The following ARHGAP15 variants were observed in gnomAD, a reference collection of about 807,000 sequenced individuals.
The protein encoded by ARHGAP15 is Rho GTPase activating protein 15.
A neutral mutation model predicts 63.7 loss-of-function variants in ARHGAP15; 51 were observed. That is an observed-to-expected ratio of 0.80 (90% CI 0.64 to 1.01). The LOEUF is 1.01. Among genes scored for constraint, ARHGAP15 ranks in the 50% least tolerant of loss-of-function variants. The probability of loss-of-function intolerance (pLI) is 0.00; values close to 1 mark genes in which losing one functional copy is unlikely to be tolerated. For missense variants in ARHGAP15, 560 were observed against 564.6 expected (o/e 0.99, Z 0.08); for synonymous variants, 191 against 193.8 (o/e 0.99, Z 0.12).
chr2:143,485,522 C>T (rs541351353), intron 8 of ARHGAP15, among the ~76,000 whole-genome samples: 2 of 150,070 alleles, frequency 1.3e-5, no homozygotes, highest in African/African-American at 2.4e-5. Flanking sequence ...ATAGATAGAC[C>T]TTCCACCGAT....
chr2:143,281,069 T>C (rs1312089259), intron 6 of ARHGAP15, among the ~76,000 whole-genome samples: 5 of 152,098 alleles, frequency 3.3e-5, no homozygotes, highest in Non-Finnish European at 7.4e-5. Flanking sequence ...ACTAAGACAG[T>C]TACACCCATT....
At chr2:143,292,278 T>A (rs1189401158) in intron 6 of ARHGAP15, among the ~76,000 whole-genome samples, 4 of 152,178 alleles carry the variant, frequency 2.6e-5, no homozygotes, top group Non-Finnish European at 5.9e-5. Context: ...ATAGTTTTTA[T>A]ATAAGTGTTG....
intron 8 of ARHGAP15, among the ~76,000 whole-genome samples, chr2:143,477,192 ACACACACACACACACTCGCG>A (rs1324502471): frequency 3.9e-5 from 5 of 129,546 alleles, no homozygotes; most frequent in African/African-American, 8.8e-5. Context: ...ACATGCTCGC[ACACACACACACACACTCGCG>A]CACACACACA....
chr2:143,513,510 A>G (rs1574559229), intron 9 of ARHGAP15, among the ~76,000 whole-genome samples: 1 of 152,208 alleles, frequency 6.6e-6, no homozygotes, highest in East Asian at 1.9e-4. Flanking sequence ...TGCTGTCTCT[A>G]CTTCTTCACC....
chr2:143,576,352 G>A (rs778591029), intron 11 of ARHGAP15, among the ~76,000 whole-genome samples: 5 of 152,198 alleles, frequency 3.3e-5, no homozygotes, highest in Admixed American at 3.3e-4. Context: ...TGACCAGATG[G>A]TTGTGTTAAG....
chr2:143,430,520 T>C (rs904219533), intron 6 of ARHGAP15, among the ~76,000 whole-genome samples: 3 of 151,894 alleles, frequency 2.0e-5, no homozygotes, highest in Non-Finnish European at 4.4e-5. Flanking sequence ...ATATGTGGAG[T>C]GATGCAAGAT....
chr2:143,679,432 T>G (rs1682987014), intron 12 of ARHGAP15, among the ~76,000 whole-genome samples: 3 of 152,226 alleles, frequency 2.0e-5, no homozygotes, highest in Admixed American at 1.3e-4. Flanking sequence ...CAAAGTTTAT[T>G]AGCTCTGTTG....
intron 6 of ARHGAP15, among the ~76,000 whole-genome samples, chr2:143,409,858 A>G (rs535613326): frequency 9.2e-5 from 14 of 152,254 alleles, no homozygotes; most frequent in East Asian, 1.9e-4. Context: ...TGTACACTCT[A>G]TGATATTCCC....
At chr2:143,415,063 A>G (rs993607776) in intron 6 of ARHGAP15, among the ~76,000 whole-genome samples, 1 of 152,244 alleles carries the variant, frequency 6.6e-6, no homozygotes, top group Non-Finnish European at 1.5e-5. Context: ...ATTTCAAAAT[A>G]CAATATTAGT....
At chr2:143,279,449 G>A (rs918096214) in intron 6 of ARHGAP15, among the ~76,000 whole-genome samples, 1 of 152,096 alleles carries the variant, frequency 6.6e-6, no homozygotes, top group Non-Finnish European at 1.5e-5. Context: ...TGACTGCATT[G>A]CAGAATGTGA....
At chr2:143,419,529 G>C (rs1474562367) in intron 6 of ARHGAP15, among the ~76,000 whole-genome samples, 1 of 151,650 alleles carries the variant, frequency 6.6e-6, no homozygotes, top group Non-Finnish European at 1.5e-5. Context: ...CAAAATGTTA[G>C]GAAGTCATTA....
intron 9 of ARHGAP15, among the ~76,000 whole-genome samples, chr2:143,497,043 C>T (rs77981967): frequency 0.07 from 10,606 of 152,140 alleles, 561 homozygotes; most frequent in East Asian, 0.22. Context: ...CAAGCTTCCA[C>T]AAAATAGGAA....
chr2:143,510,442 T>C (rs113957418), intron 9 of ARHGAP15, among the ~76,000 whole-genome samples: 26 of 152,210 alleles, frequency 1.7e-4, no homozygotes, highest in African/African-American at 6.0e-4. Flanking sequence ...CTGATGCTGG[T>C]GGTGGCCATG....
chr2:143,627,921 G>T (rs1698901617), intron 12 of ARHGAP15, among the ~76,000 whole-genome samples: 1 of 151,912 alleles, frequency 6.6e-6, no homozygotes, highest in Non-Finnish European at 1.5e-5. Flanking sequence ...TACAAATAAT[G>T]CCATCACCCA....
At chr2:143,368,682 C>T (rs1268882347) in intron 6 of ARHGAP15, among the ~76,000 whole-genome samples, 2 of 152,034 alleles carry the variant, frequency 1.3e-5, no homozygotes, top group Admixed American at 1.3e-4. Flanking sequence ...ATGTGAGAGT[C>T]ATTAAAAGGT....
chr2:143,472,454 A>G (rs1292811305), intron 8 of ARHGAP15, among the ~76,000 whole-genome samples: 1 of 152,140 alleles, frequency 6.6e-6, no homozygotes, highest in East Asian at 1.9e-4. Flanking sequence ...CTGTCTCAAC[A>G]GGCGATTCCT....
chr2:143,557,782 C>G (rs978084112), intron 11 of ARHGAP15, among the ~76,000 whole-genome samples: 4 of 134,394 alleles, frequency 3.0e-5, no homozygotes, highest in African/African-American at 1.0e-4. Flanking sequence ...TAACACTGCT[C>G]TAAAAGAAGT....
At chr2:143,715,383 A>G (rs1038358401) in intron 13 of ARHGAP15, among the ~76,000 whole-genome samples, 2 of 152,168 alleles carry the variant, frequency 1.3e-5, no homozygotes, top group Admixed American at 6.5e-5. Flanking sequence ...CAGCCAAACC[A>G]TATCACCTGG....
At chr2:143,193,650 A>G (rs925711940) in intron 2 of ARHGAP15, among the ~76,000 whole-genome samples, 1 of 152,218 alleles carries the variant, frequency 6.6e-6, no homozygotes, top group Non-Finnish European at 1.5e-5. Context: ...AAAGAATGTT[A>G]TAATTGTTCA....
Sources: gnomAD v4.1 joint callset for allele counts (sites outside exome capture counted in the v4.1 genomes callset) on GRCh38, gnomAD v4.1.1 for gene constraint, MANE v1.5 for transcripts, NCBI Gene and HGNC (gene_info 2026-07-23, HGNC 2026-07-21) for gene names.